The following ESRRG variants were observed in gnomAD, a reference collection of about 807,000 sequenced individuals.
ESRRG encodes the protein estrogen-related receptor gamma.
A neutral mutation model predicts 44.0 loss-of-function variants in ESRRG; 13 were observed. That is an observed-to-expected ratio of 0.30 (90% confidence interval 0.19 to 0.47). ESRRG has a LOEUF of 0.47. ESRRG is among the 20% of genes least tolerant of loss of function. The pLI, the probability that ESRRG is intolerant of heterozygous loss-of-function variation, is 1.00. For missense variants in ESRRG, 395 were observed against 580.6 expected, an observed-to-expected ratio of 0.68 and a Z score of 3.29; for synonymous variants, 215 against 214.6, an observed-to-expected ratio of 1.00 and a Z score of -0.02.
chr1:216,782,719 A>T (rs547674401), intron 2 of ESRRG, among the ~76,000 whole-genome samples: 1 of 152,180 alleles, frequency 6.6e-6, no homozygotes, highest in African/African-American at 2.4e-5. Context: ...GATCGTCATT[A>T]ATGAAAGCCC....
chr1:216,923,155 C>CTTTTCA (rs906912576), intron 2 of ESRRG, among the ~76,000 whole-genome samples: 15 of 152,168 alleles, frequency 9.9e-5, no homozygotes, highest in South Asian at 2.1e-4. Context: ...TCAACAAAGC[C>CTTTTCA]TTTTCATTAG....
At chr1:217,100,619 G>C (rs2092496528) in intron 1 of ESRRG, among the ~76,000 whole-genome samples, 1 of 152,230 alleles carries the variant, frequency 6.6e-6, no homozygotes. Context: ...CATTTCTGCA[G>C]ACTATACATG....
intron 2 of ESRRG, among the ~76,000 whole-genome samples, chr1:216,663,829 C>T (rs998808141): frequency 9.2e-5 from 14 of 151,962 alleles, no homozygotes; most frequent in Admixed American, 3.3e-4. Flanking sequence ...TCATCAGTGG[C>T]GACAGATTTT....
intron 1 of ESRRG, among the ~76,000 whole-genome samples, chr1:217,038,792 T>C (rs1292686711): frequency 6.6e-6 from 1 of 152,246 alleles, no homozygotes; most frequent in Non-Finnish European, 1.5e-5. Context: ...TGCAAATTTC[T>C]ACAGCTGGCT....
intron 5 of ESRRG, among the ~76,000 whole-genome samples, chr1:216,543,401 T>A (rs949377558): frequency 3.9e-5 from 6 of 152,034 alleles, no homozygotes; most frequent in African/African-American, 1.4e-4. Context: ...CCTCTTCTAA[T>A]CCCTGACAGC....
intron 1 of ESRRG, among the ~76,000 whole-genome samples, chr1:216,946,727 TTTG>T (rs1226785988): frequency 9.2e-5 from 14 of 151,652 alleles, no homozygotes; most frequent in South Asian, 4.2e-4. Flanking sequence ...TCTTTCTTTC[TTTG>T]TTTTTTTAGG....
At position 217,129,449 on chromosome 1, in the gene ESRRG, C is replaced by G. The variant is rs553815182; in HGVS notation, c.-230+8218G>C. On this transcript the variant is annotated intron_variant, in intron 1 of 8. Transcript: ENST00000366940. ...GTTGGTTCCTAAACAAAGTTGGACC[C>G]AAGAGAGCAGAAAACATATGTTTAA... Among the ~76,000 whole-genome samples the G allele has an allele frequency of 8.9e-4, 135 of 152,166 alleles. 1 individual carries two copies. The highest frequency in any genetic ancestry group is 3.1e-3 in the African/African-American group (130 of 41,504).
Position 216,555,044 on chromosome 1 carries a change from A to G in ESRRG, c.862+9175T>C, listed in dbSNP as rs924119853. ...GTTCAACTCCCTTTCTCTTTTCTTC[A>G]TCCACACCAGCACCATTGCCTTTCA... On this transcript the variant is annotated intron_variant, in intron 5 of 6. Transcript: ENST00000408911. Among the ~76,000 whole-genome samples the G allele has an allele frequency of 3.9e-5, 6 of 152,074 alleles. No homozygotes were observed. The South Asian group carries it at 1.2e-3, about 31-fold the overall frequency.
intron 5 of ESRRG, among the ~76,000 whole-genome samples, chr1:216,535,135 G>C (rs1006903838): frequency 6.6e-6 from 1 of 152,160 alleles, no homozygotes; most frequent in African/African-American, 2.4e-5. Context: ...CAAGTCTCCA[G>C]AAAGCACAGC....
At chr1:216,772,362 C>T (rs369177609) in intron 2 of ESRRG, among the ~76,000 whole-genome samples, 1 of 152,052 alleles carries the variant, frequency 6.6e-6, no homozygotes, top group African/African-American at 2.4e-5. Context: ...CTCTAACATC[C>T]CAGAATTCAG....
chr1:216,939,577 C>T (rs1465256602), intron 2 of ESRRG: 1 of 151,992 alleles, frequency 6.6e-6, no homozygotes, highest in African/African-American at 2.4e-5. Context: ...TAGGGAGCAG[C>T]TTACCTTTCA....
chr1:216,834,714 G>C (rs369159353), intron 2 of ESRRG, among the ~76,000 whole-genome samples: 3 of 152,200 alleles, frequency 2.0e-5, no homozygotes, highest in African/African-American at 4.8e-5. Flanking sequence ...ATAGATATGA[G>C]CTTTGAGGCC....
chr1:216,764,553 G>A (rs2092973300), intron 2 of ESRRG, among the ~76,000 whole-genome samples: 1 of 150,490 alleles, frequency 6.6e-6, no homozygotes, highest in Non-Finnish European at 1.5e-5. Flanking sequence ...ACAGGCATGA[G>A]ACACCATGCC....
intron 3 of ESRRG, among the ~76,000 whole-genome samples, chr1:216,578,398 A>T (rs187102742): frequency 7.9e-4 from 120 of 152,244 alleles, no homozygotes; most frequent in African/African-American, 2.8e-3. Flanking sequence ...CCCATAAAAA[A>T]TAACTAAATA....
At chr1:216,521,380 G>A (rs1055608119) in intron 5 of ESRRG, among the ~76,000 whole-genome samples, 1 of 151,834 alleles carries the variant, frequency 6.6e-6, no homozygotes, top group African/African-American at 2.4e-5. Context: ...AGGAAAAAAG[G>A]TGCAATGCAA....
At chr1:216,652,615 T>C (rs1235592579) in intron 2 of ESRRG, among the ~76,000 whole-genome samples, 1 of 152,106 alleles carries the variant, frequency 6.6e-6, no homozygotes, top group Non-Finnish European at 1.5e-5. Context: ...AAGAGTAATA[T>C]TCATTGCATC....
At chr1:216,959,137 A>G (rs1024517658) in intron 1 of ESRRG, among the ~76,000 whole-genome samples, 3 of 151,380 alleles carry the variant, frequency 2.0e-5, no homozygotes, top group African/African-American at 7.3e-5. Context: ...ATCTCATTCT[A>G]CCAAAATATA....
At chr1:216,986,468 C>A (rs1256955122) in intron 1 of ESRRG, among the ~76,000 whole-genome samples, 1 of 152,052 alleles carries the variant, frequency 6.6e-6, no homozygotes, top group South Asian at 2.1e-4. Context: ...AATCCCAGCA[C>A]TTTGGGAGGC....
At chr1:216,912,942 T>C (rs2060646928) in intron 2 of ESRRG, among the ~76,000 whole-genome samples, 1 of 151,764 alleles carries the variant, frequency 6.6e-6, no homozygotes, top group African/African-American at 2.4e-5. Context: ...GCCAACATGA[T>C]GAAACCTCGT....
Sources: allele counts gnomAD v4.1 joint callset (sites outside exome capture counted in the v4.1 genomes callset), GRCh38; gene constraint gnomAD v4.1.1; transcripts MANE v1.5; gene names NCBI Gene and HGNC (gene_info 2026-07-23, HGNC 2026-07-21).